PPARGC1A: variants seen among roughly 807,000 people sequenced by gnomAD.
PPARGC1A encodes the protein peroxisome proliferator-activated receptor gamma coactivator 1-alpha.
A neutral mutation model predicts 88.7 loss-of-function variants in PPARGC1A; 25 were observed. The ratio of observed to expected loss-of-function variants is 0.28; its 90% CI spans 0.21 to 0.39. The LOEUF (loss-of-function observed/expected upper bound fraction) is 0.39, where lower values mean the gene tolerates loss of function less well. PPARGC1A is among the 10% of genes least tolerant of loss of function. The pLI, the probability that PPARGC1A is intolerant of heterozygous loss-of-function variation, is 1.00. For missense variants in PPARGC1A, 880 were observed against 968.7 expected (o/e 0.91, Z 1.22); for synonymous variants, 363 against 355.6 (o/e 1.02, Z -0.24).
the PPARGC1A span, among the ~76,000 whole-genome samples, chr4:24,285,439 TG>T: frequency 1.3e-5 from 2 of 151,592 alleles, no homozygotes; most frequent in Non-Finnish European, 2.9e-5. Context: ...AAAAAACAGG[TG>T]GGGGAAAAGC....
chr4:24,097,559 C>A, the PPARGC1A span, among the ~76,000 whole-genome samples: 1 of 152,116 alleles, frequency 6.6e-6, no homozygotes, highest in Non-Finnish European at 1.5e-5. Flanking sequence ...ATGCTAATAG[C>A]AAGGTATTTA....
chr4:24,325,392 C>G, the PPARGC1A span, among the ~76,000 whole-genome samples: 4 of 152,102 alleles, frequency 2.6e-5, no homozygotes, highest in East Asian at 5.8e-4. Flanking sequence ...TGAGACAAAC[C>G]CCAGCCACAT....
chr4:24,232,633 T>C, the PPARGC1A span, among the ~76,000 whole-genome samples: 1 of 152,170 alleles, frequency 6.6e-6, no homozygotes, highest in African/African-American at 2.4e-5. Flanking sequence ...TACATAAATA[T>C]ACTTTTTAAA....
chr4:24,104,733 G>A, the PPARGC1A span, among the ~76,000 whole-genome samples: 2 of 152,178 alleles, frequency 1.3e-5, no homozygotes, highest in Non-Finnish European at 2.9e-5. Flanking sequence ...AGATGTGGAA[G>A]AAGGTCAACA....
the PPARGC1A span, among the ~76,000 whole-genome samples, chr4:24,114,301 C>T: frequency 6.6e-6 from 1 of 152,132 alleles, no homozygotes; most frequent in African/African-American, 2.4e-5. Context: ...ATATTTCTAA[C>T]CGCTATGGTC....
chr4:24,428,201 G>A, the PPARGC1A span, among the ~76,000 whole-genome samples: 1 of 151,992 alleles, frequency 6.6e-6, no homozygotes, highest in Non-Finnish European at 1.5e-5. Context: ...ATTCCTTGCT[G>A]TTTAGAACAG....
chr4:24,363,436 G>A, the PPARGC1A span, among the ~76,000 whole-genome samples: 13 of 152,178 alleles, frequency 8.5e-5, no homozygotes, highest in Admixed American at 2.0e-4. Flanking sequence ...TGTGATTAAT[G>A]TTATTAACGT....
chr4:23,913,084 C>A, the PPARGC1A span, among the ~76,000 whole-genome samples: 2 of 149,782 alleles, frequency 1.3e-5, no homozygotes, highest in Non-Finnish European at 3.0e-5. Flanking sequence ...GGATTACAGG[C>A]GTGAGCCACC....
chr4:23,901,781 A>G (rs1272492523), upstream of PPARGC1A, among the ~76,000 whole-genome samples: 1 of 152,240 alleles, frequency 6.6e-6, no homozygotes, highest in Admixed American at 6.5e-5. Context: ...AAATTGTCTT[A>G]GCATTCACAC....
chr4:24,439,620 C>T, the PPARGC1A span, among the ~76,000 whole-genome samples: 5 of 152,216 alleles, frequency 3.3e-5, no homozygotes, highest in South Asian at 2.1e-4. Flanking sequence ...ACTGCTTTCA[C>T]GTGAAAAAAA....
the PPARGC1A span, among the ~76,000 whole-genome samples, chr4:24,089,988 T>G: frequency 6.6e-6 from 1 of 152,224 alleles, no homozygotes; most frequent in African/African-American, 2.4e-5. Flanking sequence ...GGTCACGGGA[T>G]GCTGACAGTG....
At chr4:23,800,997 G>A (rs1457867655) in intron 12 of PPARGC1A, among the ~76,000 whole-genome samples, 1 of 149,448 alleles carries the variant, frequency 6.7e-6, no homozygotes, top group Non-Finnish European at 1.5e-5. Context: ...AGAAAGCAGA[G>A]TGTGATTTAG....
chr4:24,044,322 C>T, the PPARGC1A span, among the ~76,000 whole-genome samples: 7 of 152,134 alleles, frequency 4.6e-5, no homozygotes, highest in African/African-American at 7.2e-5. Flanking sequence ...TTTAAAAGAC[C>T]TTGAGGGTCC....
chr4:24,384,631 C>A, the PPARGC1A span, among the ~76,000 whole-genome samples: 2 of 148,638 alleles, frequency 1.3e-5, no homozygotes, highest in African/African-American at 2.5e-5. Flanking sequence ...CAAAAAAGGT[C>A]AAAAAAGACA....
the PPARGC1A span, among the ~76,000 whole-genome samples, chr4:24,254,982 C>T: frequency 6.6e-6 from 1 of 152,184 alleles, no homozygotes; most frequent in Non-Finnish European, 1.5e-5. Context: ...TCAGCACCCC[C>T]ACTCTTGCCA....
At chr4:24,043,325 G>C in the PPARGC1A span, among the ~76,000 whole-genome samples, 1 of 152,078 alleles carries the variant, frequency 6.6e-6, no homozygotes. Flanking sequence ...AACTCAACTT[G>C]TTCAAACTCT....
the PPARGC1A span, among the ~76,000 whole-genome samples, chr4:24,171,108 G>A: frequency 6.6e-6 from 1 of 151,894 alleles, no homozygotes; most frequent in Non-Finnish European, 1.5e-5. Flanking sequence ...AGCTTTCCCT[G>A]ACCACCTTAT....
the PPARGC1A span, among the ~76,000 whole-genome samples, chr4:24,003,837 A>G: frequency 2.1e-5 from 3 of 140,432 alleles, no homozygotes; most frequent in East Asian, 4.2e-4. Context: ...TTTTTTTTCA[A>G]AAAAGATCAC....
chr4:24,045,336 T>A, the PPARGC1A span, among the ~76,000 whole-genome samples: 1 of 152,340 alleles, frequency 6.6e-6, no homozygotes, highest in African/African-American at 2.4e-5. Context: ...GCCAGAACAC[T>A]TCTTGTGTTT....
Sources: gnomAD v4.1 joint callset for allele counts (sites outside exome capture counted in the v4.1 genomes callset) on GRCh38, gnomAD v4.1.1 for gene constraint, MANE v1.5 for transcripts, NCBI Gene and HGNC (gene_info 2026-07-23, HGNC 2026-07-21) for gene names.